The following KCNQ1 variants were observed in gnomAD, a reference collection of about 807,000 sequenced individuals.
The protein encoded by KCNQ1 is potassium voltage-gated channel subfamily Q member 1.
In KCNQ1, 49 loss-of-function variants were observed where a neutral mutation model predicts 72.4. That is an observed-to-expected ratio of 0.68 (90% CI 0.54 to 0.86). KCNQ1 has a LOEUF of 0.86. Ranked by LOEUF, KCNQ1 falls within the 40% of genes least tolerant of loss-of-function variation. The pLI is 0.00. For missense variants in KCNQ1, 790 were observed against 945.1 expected, an observed-to-expected ratio of 0.84 and a Z score of 2.15; for synonymous variants, 450 against 412.6, an observed-to-expected ratio of 1.09 and a Z score of -1.10.
Position 2,670,958 on chromosome 11 carries a change from G to A in KCNQ1, c.1514+8877G>A, listed in dbSNP as rs1182923943. The A allele has an allele frequency of 5.0e-6, 2 of 398,524 alleles. No homozygotes were observed. The highest frequency in any genetic ancestry group is 7.1e-5 in the East Asian group (2 of 28,080). The allele number at this position is 398,524 out of a possible 1,614,324, so 24.7% of individuals were successfully genotyped here. On this transcript the variant is annotated intron_variant, in intron 11 of 15. Transcript: ENST00000155840. This position sits in a 1 kb window ranked among gnomAD's most constrained non-coding sequence, Gnocchi z 4.9. ...AGGCCCAGCTTCATGCCTTCTTATG[G>A]TGCCCCAGAGCCCCTGGCTAGGCAT...
rs144677161 is a variant in KCNQ1, at chr11:2,767,256, G to A, written c.1515-1588G>A. Among the ~76,000 whole-genome samples the A allele has an allele frequency of 1.1e-3, 172 of 152,178 alleles. No homozygotes were observed. Among genetic ancestry groups the A allele is most frequent in the African/African-American group, 4.0e-3 (168 of 41,510 alleles). ...CTAGGAGGTTGTTCTGTTGGTGCTG[G>A]CTGTTAGCTGAGGCCTCTCTCTTCT... On this transcript the variant is annotated intron_variant, in intron 11 of 15. Coordinates refer to ENST00000155840, the MANE Select transcript of KCNQ1 (RefSeq NM_000218.3). This position sits in a 1 kb window ranked among gnomAD's most constrained non-coding sequence, Gnocchi z 4.6.
rs559253348 is a variant in KCNQ1, at chr11:2,462,125, G to T, written c.386+16641G>T. On this transcript the variant is annotated intron_variant, in intron 1 of 15. Coordinates refer to ENST00000155840, the MANE Select transcript of KCNQ1 (RefSeq NM_000218.3). This position sits in a 1 kb window ranked among gnomAD's most constrained non-coding sequence, Gnocchi z 8.2. Reference sequence around the variant, plus strand: ...GAATCCTTCCCTGGGCTGAGGGGGCGTTGCTGTGGGTGTATCTCATGGAGA... The same window carrying T: ...GAATCCTTCCCTGGGCTGAGGGGGCTTTGCTGTGGGTGTATCTCATGGAGA... 3 of 283,484 alleles carry T rather than the reference G, an allele frequency of 1.1e-5. No homozygotes were observed. The highest frequency in any genetic ancestry group is 2.1e-5 in the Non-Finnish European group (3 of 142,358). 17.6% of individuals were successfully genotyped at this position (283,484 alleles called of 1,614,324 possible).
chr11:2,666,754 C>T (rs1046868358), intron 11 of KCNQ1: 1 of 398,782 alleles, frequency 2.5e-6, no homozygotes, highest in Non-Finnish European at 4.4e-6. Flanking sequence ...GGCACTGCAG[C>T]TCTGTGAGTG....
At chr11:2,570,829 C>T in intron 3 of KCNQ1, 75 bp downstream of exon 3, 1 of 1,589,122 alleles carries the variant, frequency 6.3e-7, no homozygotes, top group Non-Finnish European at 8.5e-7. Flanking sequence ...ATGACCCCTA[C>T]CAGATGGAGT....
intron 1 of KCNQ1, among the ~76,000 whole-genome samples, chr11:2,504,632 C>T (rs546865805): frequency 1.3e-5 from 2 of 152,256 alleles, no homozygotes; most frequent in South Asian, 2.1e-4. Flanking sequence ...TGGCATACAC[C>T]TGTAATCCCA....
chr11:2,680,012 G>A (rs1850364302), intron 11 of KCNQ1: 1 of 396,572 alleles, frequency 2.5e-6, no homozygotes, highest in Non-Finnish European at 4.4e-6. Context: ...TCCTGCCTTA[G>A]CCTCCCTAGT....
chr11:2,674,135 C>T lies in KCNQ1; in HGVS notation c.1514+12054C>T, dbSNP rs1465498291. 2 of 398,518 alleles carry T rather than the reference C, an allele frequency of 5.0e-6. No homozygotes were observed. Among genetic ancestry groups the T allele is most frequent in the African/African-American group, 4.1e-5 (2 of 48,600 alleles). 24.7% of individuals were successfully genotyped at this position (398,518 alleles called of 1,614,324 possible). ...TGGAAGCTGGTTTGCCGGGGCCACCCAGTGTGGGCTCAGGAAGGGAAGGAA... is the reference window on the plus strand; with the variant it reads ...TGGAAGCTGGTTTGCCGGGGCCACCTAGTGTGGGCTCAGGAAGGGAAGGAA... On this transcript the variant is annotated intron_variant, in intron 11 of 15. Coordinates refer to ENST00000155840, the MANE Select transcript of KCNQ1 (RefSeq NM_000218.3). This position sits in a 1 kb window ranked among gnomAD's most constrained non-coding sequence, Gnocchi z 5.9.
chr11:2,584,747 G>A (rs1310296664), intron 7 of KCNQ1, among the ~76,000 whole-genome samples: 1 of 152,058 alleles, frequency 6.6e-6, no homozygotes. Flanking sequence ...ACACATGCAC[G>A]TGCACCACGT....
At chr11:2,751,694 G>T (rs532232324) in intron 11 of KCNQ1, among the ~76,000 whole-genome samples, 2 of 152,386 alleles carry the variant, frequency 1.3e-5, no homozygotes. Context: ...CGTTACCATG[G>T]TTTTTAAATT....
At position 2,612,735 on chromosome 11, in the gene KCNQ1, A is replaced by G. The variant is rs1456239972; in HGVS notation, c.1393+23881A>G. 6 of 398,498 alleles carry G rather than the reference A, an allele frequency of 1.5e-5. No individual in the cohort carries two copies. The highest frequency in any genetic ancestry group is 1.0e-4 in the African/African-American group (5 of 48,638). The allele number at this position is 398,498 out of a possible 1,614,324, so 24.7% of individuals were successfully genotyped here. A position where few individuals can be genotyped will look rare whatever the true frequency, so the allele number is the denominator to read the frequency against. ...CGCGCCCTAACATTTGGGGCCCTTC[A>G]GAGATAATTCCTATTTATTGCTCAT... On this transcript the variant is annotated intron_variant, in intron 10 of 15. Transcript: ENST00000155840. This position sits in a 1 kb window ranked among gnomAD's most constrained non-coding sequence, Gnocchi z 5.5.
Position 2,516,942 on chromosome 11 carries a change from C to T in KCNQ1, c.387-10986C>T, listed in dbSNP as rs1193508269. Among the ~76,000 whole-genome samples the T allele has an allele frequency of 6.6e-6, 1 of 152,148 alleles. No homozygotes were observed. Among genetic ancestry groups the T allele is most frequent in the African/African-American group, 2.4e-5 (1 of 41,450 alleles). ...GCTTCCTGGCTGCCCGAGGGTCCCC[C>T]AGCACCTGTCCCTCTAGGGCCTCTG... On this transcript the variant is annotated intron_variant, in intron 1 of 15. Transcript: ENST00000155840. The surrounding 1 kb of genome is among the most constrained non-coding windows in gnomAD (Gnocchi z 7.0).
chr11:2,667,252 GGAA>G (rs1423470331), intron 11 of KCNQ1: 21 of 398,558 alleles, frequency 5.3e-5, no homozygotes, highest in Non-Finnish European at 7.1e-5. Context: ...GAGCACGTGA[GGAA>G]GAAGCGGCTG....
rs147091980 is a variant in KCNQ1, at chr11:2,847,772, G to A, written c.1800G>A (p.Thr600=). ...ARLNRVEDKV[T]QLDQRLALIT... is the part of the protein sequence containing the mutation. ...GTCTGCCTTTGTCCCCGCAGGTGACGCAGCTGGACCAGAGGCTGGCACTCA... is the reference window on the plus strand; with the variant it reads ...GTCTGCCTTTGTCCCCGCAGGTGACACAGCTGGACCAGAGGCTGGCACTCA... The change falls in exon 16 of 16, where the codon ACG becomes ACA. Residue 600 remains threonine, a synonymous_variant. Coordinates refer to ENST00000155840, the MANE Select transcript of KCNQ1 (RefSeq NM_000218.3). The A allele has an allele frequency of 6.7e-4, 1,054 of 1,573,608 alleles. 1 individual carries two copies. Among genetic ancestry groups the A allele is most frequent in the Non-Finnish European group, 8.2e-4 (947 of 1,159,066 alleles).
chr11:2,733,808 A>ACACACACACACACACACACACACT (rs1564875270), intron 11 of KCNQ1, among the ~76,000 whole-genome samples: 5 of 63,332 alleles, frequency 7.9e-5, no homozygotes, highest in African/African-American at 3.7e-4. Flanking sequence ...ACACACACAC[A>ACACACACACACACACACACACACT]CACACACTCT....
rs1564791178 is a variant in KCNQ1 at position 2,473,427 on chromosome 11, A to G, written c.386+27943A>G. Among the ~76,000 whole-genome samples, 1 of 151,850 alleles carries G rather than the reference A, an allele frequency of 6.6e-6. No individual in the cohort carries two copies. The highest frequency in any genetic ancestry group is 2.4e-5 in the African/African-American group (1 of 41,322). On this transcript the variant is annotated intron_variant, in intron 1 of 15. Transcript: ENST00000155840. The surrounding 1 kb of genome is among the most constrained non-coding windows in gnomAD (Gnocchi z 6.0). Reference sequence around the variant, plus strand: ...AGGAGGCAGGAGAGCTGGTGTTTGGAGATGTGAGGGGCTGGGCCCTCCCAG... The same window carrying G: ...AGGAGGCAGGAGAGCTGGTGTTTGGGGATGTGAGGGGCTGGGCCCTCCCAG...
rs982201564 is a variant in KCNQ1, at chr11:2,767,105, C to G, written c.1515-1739C>G. 6.6e-6 allele frequency among the ~76,000 whole-genome samples: 1 copy of G among 152,138 alleles called. No homozygotes were observed. The highest frequency in any genetic ancestry group is 2.4e-5 in the African/African-American group (1 of 41,428). ...ATCACTTGAACCCGGGAGGCGGAGG[C>G]TGCAGTGAGCCGAGGTTGTGCCACT... is the stretch of plus-strand genomic sequence containing the variant. On this transcript the variant is annotated intron_variant, in intron 11 of 15. Transcript: ENST00000155840. The surrounding 1 kb of genome is among the most constrained non-coding windows in gnomAD (Gnocchi z 4.6).
intron 15 of KCNQ1, among the ~76,000 whole-genome samples, chr11:2,846,980 G>A (rs552580667): frequency 6.6e-6 from 1 of 152,258 alleles, no homozygotes; most frequent in African/African-American, 2.4e-5. Context: ...TAGCCAGAGG[G>A]CACGCTCTAG....
rs75458755 is a variant in KCNQ1, at chr11:2,537,814, C to G, written c.477+9796C>G. ...GCTCACTGCAGCCTCGGCCTCCTGG[C>G]CTCAAGTGTTCCCACTTCAGCCTCC... On this transcript the variant is annotated intron_variant, in intron 2 of 15. Transcript: ENST00000155840. This position sits in a 1 kb window ranked among gnomAD's most constrained non-coding sequence, Gnocchi z 5.2. Among the ~76,000 whole-genome samples, 9,312 of 152,162 alleles carry G rather than the reference C, an allele frequency of 0.061. 361 individuals carry two copies. The highest frequency in any genetic ancestry group is 0.089 in the Non-Finnish European group (6,060 of 67,996).
chr11:2,792,486 C>T (rs1847046933), intron 15 of KCNQ1, among the ~76,000 whole-genome samples: 1 of 152,192 alleles, frequency 6.6e-6, no homozygotes, highest in Admixed American at 6.5e-5. Context: ...CTCCCTCTGC[C>T]CAAGAGAAAC....
Sources: gnomAD v4.1 joint callset for allele counts (sites outside exome capture counted in the v4.1 genomes callset) on GRCh38, gnomAD v4.1.1 for gene constraint, Gnocchi (gnomAD v3.1) non-coding constraint, MANE v1.5 for transcripts, NCBI Gene and HGNC (gene_info 2026-07-23, HGNC 2026-07-21) for gene names.